DPP4: variants seen among roughly 807,000 people sequenced by gnomAD.
DPP4 encodes the protein dipeptidyl peptidase 4, also known as ADCP-2.
In DPP4, 93 loss-of-function variants were observed where a neutral mutation model predicts 122.4. That is an observed-to-expected ratio of 0.76 (90% confidence interval 0.64 to 0.90). The LOEUF (loss-of-function observed/expected upper bound fraction) is 0.90. Among genes scored for constraint, DPP4 ranks in the 40% least tolerant of loss-of-function variants. DPP4 has a pLI of 0.00. For synonymous variants in DPP4, 321 were observed against 302.9 expected, an observed-to-expected ratio of 1.06 and a Z score of -0.62; for missense variants, 914 against 907.3, an observed-to-expected ratio of 1.01 and a Z score of -0.09.
chr2:162,046,745 TA>T (rs1351585984), intron 4 of DPP4, 169 bp downstream of exon 4: 1 of 676,800 alleles, frequency 1.5e-6, no homozygotes, highest in African/African-American at 1.8e-5. Flanking sequence ...CAAAGGAGAC[TA>T]AAAAGTAGCC....
intron 8 of DPP4, 114 bp downstream of exon 8, chr2:162,038,188 T>G: frequency 2.9e-6 from 3 of 1,050,414 alleles, no homozygotes; most frequent in Non-Finnish European, 4.0e-6. Context: ...GATGACATTT[T>G]AAACAATGAA....
chr2:162,038,822 C>T (rs1683881258), intron 7 of DPP4, 127 bp downstream of exon 7: 1 of 821,254 alleles, frequency 1.2e-6, no homozygotes, highest in South Asian at 1.6e-5. Context: ...AGATCCTGGG[C>T]AATAACACTA....
At chr2:162,061,755 T>C (rs921939953) in intron 2 of DPP4, among the ~76,000 whole-genome samples, 3 of 152,240 alleles carry the variant, frequency 2.0e-5, no homozygotes, top group African/African-American at 7.2e-5. Flanking sequence ...TAGCACTTAC[T>C]GTGTTATTCA....
rs34869697 is a variant in DPP4 at position 162,065,527 on chromosome 2, G to A, written c.94+7872C>T. ...GCTAATGACAATACAGTAATAAAACGCTATCATTCAAATAACTTTTGGCCA... is the reference window on the plus strand; with the variant it reads ...GCTAATGACAATACAGTAATAAAACACTATCATTCAAATAACTTTTGGCCA... On this transcript the variant is annotated intron_variant, in intron 2 of 25. Transcript: ENST00000360534. 6.1e-3 allele frequency among the ~76,000 whole-genome samples: 932 copies of A among 152,274 alleles called. 5 individuals carry two copies. Among genetic ancestry groups the A allele is most frequent in the South Asian group, 0.02 (96 of 4,822 alleles).
Position 162,052,473 on chromosome 2 carries a change from G to A in DPP4, c.95-4972C>T, listed in dbSNP as rs115622584. Among the ~76,000 whole-genome samples the A allele has an allele frequency of 7.2e-3, 1,089 of 152,242 alleles. 6 individuals are homozygous for A. Among genetic ancestry groups the A allele is most frequent in the South Asian group, 0.015 (74 of 4,814 alleles). On this transcript the variant is annotated intron_variant, in intron 2 of 25. Coordinates refer to ENST00000360534, the MANE Select transcript of DPP4 (RefSeq NM_001935.4). ...GGCCTCACCAGACACTGACCTGCCT[G>A]CATTTTAATCTGGCACTTCTCAGCC...
intron 10 of DPP4, among the ~76,000 whole-genome samples, chr2:162,030,739 G>T (rs139284882): frequency 2.6e-5 from 4 of 151,978 alleles, no homozygotes; most frequent in South Asian, 2.1e-4. Context: ...TATTTTAACC[G>T]CAACCTTACC....
At position 162,031,355 on chromosome 2, in the gene DPP4, T is replaced by C. The variant is rs140728693; in HGVS notation, c.887+2186A>G. The stretch of plus-strand genomic sequence containing the variant: ...GCCAAAACTGAGAAGCAATCTCCCA[T>C]TTGCTTTCTGGCCATACACTTCTAT... On this transcript the variant is annotated intron_variant, in intron 10 of 25. Coordinates refer to ENST00000360534, the MANE Select transcript of DPP4 (RefSeq NM_001935.4). Among the ~76,000 whole-genome samples the C allele has an allele frequency of 3.3e-3, 500 of 152,322 alleles. 2 individuals carry two copies. Among genetic ancestry groups the C allele is most frequent in the African/African-American group, 0.011 (476 of 41,564 alleles).
At chr2:162,056,693 A>G (rs1041849034) in intron 2 of DPP4, among the ~76,000 whole-genome samples, 1 of 152,186 alleles carries the variant, frequency 6.6e-6, no homozygotes, top group Non-Finnish European at 1.5e-5. Context: ...CACTCTGAGG[A>G]CTGAGATTGC....
chr2:162,054,286 G>A (rs1684490806), intron 2 of DPP4, among the ~76,000 whole-genome samples: 3 of 152,188 alleles, frequency 2.0e-5, no homozygotes, highest in African/African-American at 7.2e-5. Flanking sequence ...CAGAGTCACA[G>A]CTGGAGAGCA....
At chr2:162,022,733 C>T (rs199975511) in intron 12 of DPP4, 22 bp downstream of exon 12, 19 of 1,613,504 alleles carry the variant, frequency 1.2e-5, no homozygotes, top group Admixed American at 1.7e-5. Context: ...ATCCATAAAA[C>T]CCCACAACTT....
intron 2 of DPP4, among the ~76,000 whole-genome samples, chr2:162,047,789 G>GGT (rs1392479071): frequency 6.6e-6 from 1 of 152,150 alleles, no homozygotes; most frequent in African/African-American, 2.4e-5. Flanking sequence ...GAAATAGAAT[G>GGT]TGAGTATATT....
intron 22 of DPP4, among the ~76,000 whole-genome samples, 196 bp downstream of exon 22, chr2:162,008,366 T>C (rs191554266): frequency 9.2e-5 from 14 of 152,276 alleles, no homozygotes; most frequent in Admixed American, 9.2e-4. Context: ...AAACGTGTAA[T>C]AAAATATACC....
intron 23 of DPP4, among the ~76,000 whole-genome samples, chr2:161,998,077 C>A (rs953262314): frequency 4.6e-5 from 7 of 152,180 alleles, no homozygotes; most frequent in Admixed American, 6.5e-5. Flanking sequence ...CTGCACTAAT[C>A]AGAAGAGAGA....
intron 2 of DPP4, among the ~76,000 whole-genome samples, chr2:162,071,485 AC>A (rs911374013): frequency 1.1e-4 from 16 of 152,098 alleles, no homozygotes; most frequent in African/African-American, 3.9e-4. Flanking sequence ...ATACTAAAAT[AC>A]AAAAAATTAT....
intron 2 of DPP4, among the ~76,000 whole-genome samples, chr2:162,067,277 C>T (rs750682828): frequency 1.1e-4 from 17 of 152,242 alleles, no homozygotes; most frequent in Admixed American, 3.9e-4. Flanking sequence ...AGGGTTCCAG[C>T]CTCACAGAAA....
rs1461798287 is a variant in DPP4, at chr2:162,073,983, G to C, written c.-2C>G. The C allele has an allele frequency of 1.9e-6, 3 of 1,611,988 alleles. 1 individual carries two copies. The Admixed American group carries it at 5.0e-5, about 27-fold the overall frequency. On this transcript the variant is annotated 5_prime_UTR_variant, in exon 1 of 26. Transcript: ENST00000360534. Reference sequence around the variant, plus strand: ...ACGTGGCGCGGCACTCACCTTCATCGTCGGCGTCTCCTCGGAAGTGAGCGT... The same window carrying C: ...ACGTGGCGCGGCACTCACCTTCATCCTCGGCGTCTCCTCGGAAGTGAGCGT...
intron 2 of DPP4, among the ~76,000 whole-genome samples, chr2:162,062,159 A>G (rs1016879224): frequency 6.6e-6 from 1 of 151,860 alleles, no homozygotes; most frequent in Non-Finnish European, 1.5e-5. Flanking sequence ...GTGCACACCT[A>G]TAGTGCCAGC....
Position 162,024,813 on chromosome 2 carries a change from G to C in DPP4, c.1014C>G (p.Asn338Lys). ...CCCCATTCAGTCTCACCACTAAGCAGTTCCATCTTCCACTGGATTCATCAT... is the reference window on the plus strand; with the variant it reads ...CCCCATTCAGTCTCACCACTAAGCACTTCCATCTTCCACTGGATTCATCAT... Reference protein sequence around the residue: ...CDYDESSGRWNCLVARQHIEM... With the variant: ...CDYDESSGRWKCLVARQHIEM... The change falls in exon 11 of 26, where the codon AAC becomes AAG. Residue 338 changes from asparagine to lysine, a missense_variant. By Grantham distance (94) the Asn-to-Lys change is moderately conservative (BLOSUM62 0). Coordinates refer to ENST00000360534, the MANE Select transcript of DPP4 (RefSeq NM_001935.4). 2 of 1,613,578 alleles carry C rather than the reference G, an allele frequency of 1.2e-6. No individual in the cohort carries two copies. Among genetic ancestry groups the C allele is most frequent in the Non-Finnish European group, 1.7e-6 (2 of 1,179,994 alleles).
chr2:161,996,482 T>C (rs1189784747), intron 23 of DPP4, among the ~76,000 whole-genome samples: 1 of 152,218 alleles, frequency 6.6e-6, no homozygotes. Context: ...CTTGGTGGTC[T>C]GGCAGGAAGG....
Sources: gnomAD v4.1 joint callset for allele counts (sites outside exome capture counted in the v4.1 genomes callset) on GRCh38, gnomAD v4.1.1 for gene constraint, MANE v1.5 for transcripts, NCBI Gene and HGNC (gene_info 2026-07-23, HGNC 2026-07-21) for gene names.